OSBPL9: variants seen among roughly 807,000 people sequenced by gnomAD.
OSBPL9 encodes oxysterol binding protein like 9.
OSBPL9 carries 40 observed loss-of-function variants against 106.6 expected under a neutral mutation model. The observed-to-expected ratio is 0.38, with a 90% CI of 0.29 to 0.49. The LOEUF is 0.49. Among genes scored for constraint, OSBPL9 ranks in the 20% least tolerant of loss-of-function variants. The pLI, the probability that OSBPL9 is intolerant of heterozygous loss-of-function variation, is 0.97. For missense variants in OSBPL9, 609 were observed against 887.2 expected (o/e 0.69, Z 3.98); for synonymous variants, 269 against 295.4 (o/e 0.91, Z 0.92).
the OSBPL9 span, among the ~76,000 whole-genome samples, chr1:51,533,845 CTT>C: frequency 2.4e-3 from 284 of 116,250 alleles, 3 homozygotes; most frequent in East Asian, 0.023. Context: ...TTTTTTCTTT[CTT>C]TTTTTTTTTT....
the OSBPL9 span, among the ~76,000 whole-genome samples, chr1:51,529,901 G>A: frequency 5.9e-5 from 9 of 151,638 alleles, no homozygotes; most frequent in Admixed American, 2.6e-4. Context: ...GCTGGGTGCG[G>A]TGGCTCACGC....
chr1:51,600,775 C>A (rs1052356582), intron 2 of OSBPL9, among the ~76,000 whole-genome samples: 1 of 152,124 alleles, frequency 6.6e-6, no homozygotes, highest in East Asian at 1.9e-4. Context: ...ATTTGTTTTC[C>A]ACAGTGTAAC....
chr1:51,540,321 T>C, the OSBPL9 span, among the ~76,000 whole-genome samples: 3 of 152,278 alleles, frequency 2.0e-5, no homozygotes, highest in East Asian at 3.9e-4. Context: ...CTCCCTGATA[T>C]GTTCCATCTT....
chr1:51,593,629 T>C (rs902238248), intron 1 of OSBPL9, among the ~76,000 whole-genome samples: 1 of 152,200 alleles, frequency 6.6e-6, no homozygotes, highest in Non-Finnish European at 1.5e-5. Flanking sequence ...GCCTTCTCCC[T>C]GAAGCTTTCC....
At chr1:51,697,744 G>T (rs1380977587) in intron 3 of OSBPL9, among the ~76,000 whole-genome samples, 1 of 150,570 alleles carries the variant, frequency 6.6e-6, no homozygotes, top group Non-Finnish European at 1.5e-5. Context: ...TAGAAAATGT[G>T]ATTAGATATG....
intron 4 of OSBPL9, chr1:51,740,359 T>G: frequency 9.3e-7 from 1 of 1,074,430 alleles, no homozygotes; most frequent in Non-Finnish European, 1.2e-6. Context: ...TGCTAAGTTT[T>G]CATTAGTTTT....
intron 3 of OSBPL9, among the ~76,000 whole-genome samples, chr1:51,694,972 T>G (rs1655724933): frequency 6.6e-6 from 1 of 152,242 alleles, no homozygotes; most frequent in South Asian, 2.1e-4. Flanking sequence ...TAATTTAGTT[T>G]GTCATTTGTT....
intron 17 of OSBPL9, 82 bp downstream of exon 17, chr1:51,782,725 G>A (rs1676687692): frequency 8.2e-7 from 1 of 1,218,370 alleles, no homozygotes; most frequent in East Asian, 2.4e-5. Flanking sequence ...CATAGCTGAG[G>A]GTACTGTCAG....
intron 1 of OSBPL9, among the ~76,000 whole-genome samples, chr1:51,651,643 T>C (rs919455377): frequency 1.3e-5 from 2 of 151,922 alleles, no homozygotes; most frequent in Admixed American, 6.6e-5. Flanking sequence ...GAGTGATTCT[T>C]AAACCTCCAG....
intron 3 of OSBPL9, among the ~76,000 whole-genome samples, chr1:51,678,797 C>A (rs906406220): frequency 1.3e-5 from 2 of 152,178 alleles, no homozygotes; most frequent in African/African-American, 2.4e-5. Context: ...ACTGCATTAA[C>A]ATCAATCAAT....
At chr1:51,649,736 CTTTTTTTTT>C (rs71578080) in intron 1 of OSBPL9, among the ~76,000 whole-genome samples, 1 of 97,014 alleles carries the variant, frequency 1.0e-5, no homozygotes, top group Non-Finnish European at 2.1e-5. Context: ...ACATGTTAGT[CTTTTTTTTT>C]TTTTTTTTTT....
At chr1:51,557,099 A>C in the OSBPL9 span, among the ~76,000 whole-genome samples, 2 of 152,012 alleles carry the variant, frequency 1.3e-5, no homozygotes, top group African/African-American at 4.8e-5. Context: ...CCTACTGTGT[A>C]CCCACAAAAA....
At chr1:51,665,191 C>T (rs922411526) in intron 2 of OSBPL9, among the ~76,000 whole-genome samples, 3 of 152,222 alleles carry the variant, frequency 2.0e-5, no homozygotes, top group African/African-American at 7.2e-5. Flanking sequence ...GTTTCCCAGG[C>T]TGGAGTGCAA....
intron 12 of OSBPL9, among the ~76,000 whole-genome samples, chr1:51,770,174 C>T (rs1469377037): frequency 3.4e-5 from 5 of 148,036 alleles, no homozygotes; most frequent in Non-Finnish European, 7.4e-5. Flanking sequence ...CTCACTCTGT[C>T]GCCCAAACTG....
upstream of OSBPL9, among the ~76,000 whole-genome samples, chr1:51,613,737 TTTC>T (rs1363867211): frequency 4.0e-5 from 6 of 151,362 alleles, no homozygotes; most frequent in Non-Finnish European, 8.8e-5. Context: ...TTTTCTTTCT[TTTC>T]TTTTTTTTTT....
chr1:51,690,765 A>T (rs1654789499), intron 3 of OSBPL9, among the ~76,000 whole-genome samples: 1 of 152,224 alleles, frequency 6.6e-6, no homozygotes, highest in South Asian at 2.1e-4. Context: ...AGGGAGAAAT[A>T]AACATGAATA....
chr1:51,691,429 G>A (rs1224262091), intron 3 of OSBPL9, among the ~76,000 whole-genome samples: 3 of 151,534 alleles, frequency 2.0e-5, no homozygotes, highest in Admixed American at 1.3e-4. Context: ...ACAGGCGAGC[G>A]CCACCATGCC....
the OSBPL9 span, among the ~76,000 whole-genome samples, chr1:51,534,543 A>G: frequency 1.8e-4 from 28 of 152,304 alleles, no homozygotes; most frequent in South Asian, 5.6e-3. Context: ...TAGGATCAGA[A>G]CTATGCTGTC....
upstream of OSBPL9, chr1:51,617,041 G>GCCCCCCCC: frequency 2.8e-6 from 1 of 352,962 alleles, no homozygotes; most frequent in African/African-American, 2.5e-5. Context: ...CTGCGGCCCC[G>GCCCCCCCC]CCCCCCGCAT....
Sources: gnomAD v4.1 joint callset for allele counts (sites outside exome capture counted in the v4.1 genomes callset) on GRCh38, gnomAD v4.1.1 for gene constraint, MANE v1.5 for transcripts, NCBI Gene and HGNC (gene_info 2026-07-23, HGNC 2026-07-21) for gene names.